ST6GALNAC5: variants seen among roughly 807,000 people sequenced by gnomAD.
ST6GALNAC5 encodes alpha-N-acetylgalactosaminide alpha-2,6-sialyltransferase 5.
ST6GALNAC5 carries 27 observed loss-of-function variants against 33.6 expected under a neutral mutation model. That is an observed-to-expected ratio of 0.80 (90% CI 0.59 to 1.11). The LOEUF is 1.11. Ranked by LOEUF, ST6GALNAC5 falls within the 50% of genes least tolerant of loss-of-function variation. The pLI, the probability that ST6GALNAC5 is intolerant of heterozygous loss-of-function variation, is 0.00. For missense variants in ST6GALNAC5, 428 were observed against 454.0 expected, an observed-to-expected ratio of 0.94 and a Z score of 0.52; for synonymous variants, 194 against 171.2, an observed-to-expected ratio of 1.13 and a Z score of -1.04.
rs372487906 is a variant in ST6GALNAC5 at position 76,983,879 on chromosome 1, A to G, written c.262-60325A>G. Among the ~76,000 whole-genome samples the G allele has an allele frequency of 4.6e-5, 7 of 152,360 alleles. No homozygotes were observed. The East Asian group carries it at 7.7e-4, about 17-fold the overall frequency. On this transcript the variant is annotated intron_variant, in intron 2 of 4. Coordinates refer to ENST00000477717, the MANE Select transcript of ST6GALNAC5 (RefSeq NM_030965.3). ...AACTCACTCAAAACCACACAACTACATGGAAACTGAACAACCTGCTCCTGA... is the reference window on the plus strand; with the variant it reads ...AACTCACTCAAAACCACACAACTACGTGGAAACTGAACAACCTGCTCCTGA...
chr1:76,979,093 A>G (rs1649141371), intron 2 of ST6GALNAC5, among the ~76,000 whole-genome samples: 1 of 152,148 alleles, frequency 6.6e-6, no homozygotes, highest in Admixed American at 6.5e-5. Flanking sequence ...AGTAAAAACT[A>G]TAAAACATGG....
At chr1:76,906,492 C>T (rs78442500) in intron 2 of ST6GALNAC5, among the ~76,000 whole-genome samples, 2 of 152,248 alleles carry the variant, frequency 1.3e-5, no homozygotes, top group African/African-American at 4.8e-5. Context: ...ATTCTTGAAA[C>T]TCTGTATAAG....
At chr1:76,910,685 TTTA>T (rs1646902865) in intron 2 of ST6GALNAC5, among the ~76,000 whole-genome samples, 1 of 152,056 alleles carries the variant, frequency 6.6e-6, no homozygotes, top group Non-Finnish European at 1.5e-5. Context: ...TGAATAAGCA[TTTA>T]TTAATACTGT....
intron 2 of ST6GALNAC5, among the ~76,000 whole-genome samples, chr1:76,935,532 T>C (rs1647192886): frequency 6.6e-6 from 1 of 152,052 alleles, no homozygotes; most frequent in Non-Finnish European, 1.5e-5. Context: ...TTAATTCTAC[T>C]ATGAAGTGCT....
intron 2 of ST6GALNAC5, among the ~76,000 whole-genome samples, chr1:76,994,342 A>T (rs1471065080): frequency 6.6e-6 from 1 of 152,220 alleles, no homozygotes; most frequent in Non-Finnish European, 1.5e-5. Flanking sequence ...TAATTTGGTC[A>T]TTGGCTCTCT....
chr1:76,976,423 G>C (rs535798547), intron 2 of ST6GALNAC5, among the ~76,000 whole-genome samples: 3 of 152,112 alleles, frequency 2.0e-5, no homozygotes, highest in Admixed American at 6.5e-5. Flanking sequence ...TTGATATGTT[G>C]ATTATATAAA....
At chr1:76,969,031 C>G (rs1165990810) in intron 2 of ST6GALNAC5, among the ~76,000 whole-genome samples, 2 of 152,166 alleles carry the variant, frequency 1.3e-5, no homozygotes, top group Non-Finnish European at 2.9e-5. Context: ...TTCATTTCAA[C>G]CTTGGAGAAT....
intron 2 of ST6GALNAC5, among the ~76,000 whole-genome samples, chr1:76,959,397 T>G (rs1245493079): frequency 6.6e-6 from 1 of 152,236 alleles, no homozygotes; most frequent in Non-Finnish European, 1.5e-5. Context: ...ATTTAACTCT[T>G]TCATTCTTCT....
intron 2 of ST6GALNAC5, among the ~76,000 whole-genome samples, chr1:76,915,729 A>T (rs1014845660): frequency 6.6e-6 from 1 of 151,860 alleles, no homozygotes; most frequent in African/African-American, 2.4e-5. Flanking sequence ...GCATTAGGAG[A>T]TATACCTAAT....
chr1:77,020,240 A>T (rs1037535894), intron 2 of ST6GALNAC5, among the ~76,000 whole-genome samples: 1 of 152,188 alleles, frequency 6.6e-6, no homozygotes. Flanking sequence ...ACATTTTTTA[A>T]GTGCCGAGAA....
intron 2 of ST6GALNAC5, among the ~76,000 whole-genome samples, chr1:76,949,731 G>T (rs933551716): frequency 6.6e-6 from 1 of 152,112 alleles, no homozygotes; most frequent in Non-Finnish European, 1.5e-5. Flanking sequence ...CCCTCCCACA[G>T]TGACTCACCA....
intron 4 of ST6GALNAC5, among the ~76,000 whole-genome samples, chr1:77,061,831 C>T (rs961607647): frequency 6.6e-6 from 1 of 152,176 alleles, no homozygotes; most frequent in Non-Finnish European, 1.5e-5. Flanking sequence ...AGAAATGAGC[C>T]AGTACTTCCT....
chr1:76,901,570 G>C (rs554746333), intron 2 of ST6GALNAC5, among the ~76,000 whole-genome samples: 2 of 152,168 alleles, frequency 1.3e-5, no homozygotes, highest in African/African-American at 4.8e-5. Flanking sequence ...AAAAACTGCT[G>C]ATAAATAGCA....
At chr1:77,010,438 T>C (rs1320418397) in intron 2 of ST6GALNAC5, among the ~76,000 whole-genome samples, 3 of 152,062 alleles carry the variant, frequency 2.0e-5, no homozygotes, top group Non-Finnish European at 2.9e-5. Context: ...GAGGTTGCAG[T>C]GAACCAAGAT....
At chr1:76,900,051 C>T (rs1646801455) in intron 2 of ST6GALNAC5, among the ~76,000 whole-genome samples, 1 of 152,076 alleles carries the variant, frequency 6.6e-6, no homozygotes, top group South Asian at 2.1e-4. Context: ...CACCTGGGTG[C>T]AGGTGGGCTG....
chr1:76,992,337 T>C (rs535034953), intron 2 of ST6GALNAC5, among the ~76,000 whole-genome samples: 1 of 152,320 alleles, frequency 6.6e-6, no homozygotes, highest in Non-Finnish European at 1.5e-5. Context: ...TATGTCAAGA[T>C]CTGCTGCCAC....
intron 2 of ST6GALNAC5, among the ~76,000 whole-genome samples, chr1:76,976,725 T>C (rs1014134104): frequency 2.0e-5 from 3 of 152,172 alleles, no homozygotes; most frequent in African/African-American, 4.8e-5. Flanking sequence ...TCTTTTAATT[T>C]CCTCTATTTT....
At chr1:76,897,323 C>T (rs1272827149) in intron 2 of ST6GALNAC5, among the ~76,000 whole-genome samples, 1 of 151,986 alleles carries the variant, frequency 6.6e-6, no homozygotes, top group Admixed American at 6.6e-5. Context: ...GGGTTTAGCA[C>T]CATGGGGTGG....
At chr1:77,020,417 G>C (rs942960504) in intron 2 of ST6GALNAC5, among the ~76,000 whole-genome samples, 9 of 151,942 alleles carry the variant, frequency 5.9e-5, no homozygotes, top group Non-Finnish European at 1.3e-4. Context: ...GGGGAGTGTG[G>C]GGATACAGGA....
Sources: allele counts gnomAD v4.1 joint callset (sites outside exome capture counted in the v4.1 genomes callset), GRCh38; gene constraint gnomAD v4.1.1; transcripts MANE v1.5; gene names NCBI Gene and HGNC (gene_info 2026-07-23, HGNC 2026-07-21).